The following UPP2 variants were observed in gnomAD, a reference collection of about 807,000 sequenced individuals.
UPP2 encodes the protein UPase 2.
In UPP2, 23 loss-of-function variants were observed where a neutral mutation model predicts 26.7. That is an observed-to-expected ratio of 0.86 (90% CI 0.62 to 1.22). The LOEUF (loss-of-function observed/expected upper bound fraction) is 1.22, where lower values mean the gene tolerates loss of function less well. Among genes scored for constraint, UPP2 ranks in the 50% most tolerant of loss-of-function variants. UPP2 has a pLI of 0.00. For synonymous variants in UPP2, 127 were observed against 141.3 expected (o/e 0.90, Z 0.72); for missense variants, 387 against 396.7 (o/e 0.98, Z 0.21).
At chr2:158,046,706 T>C (rs553047922) in intron 3 of UPP2, among the ~76,000 whole-genome samples, 17 of 152,312 alleles carry the variant, frequency 1.1e-4, no homozygotes, top group African/African-American at 2.4e-4. Flanking sequence ...TCTCCACTTA[T>C]GTAATTCTTA....
At chr2:158,031,918 T>C (rs1249958508) in intron 3 of UPP2, among the ~76,000 whole-genome samples, 3 of 152,188 alleles carry the variant, frequency 2.0e-5, no homozygotes, top group Middle Eastern at 3.2e-3. Context: ...TCATCACCAT[T>C]ATCACCAAGA....
intron 2 of UPP2, among the ~76,000 whole-genome samples, chr2:158,009,394 CA>C (rs1379929570): frequency 2.0e-5 from 3 of 152,150 alleles, no homozygotes; most frequent in African/African-American, 7.2e-5. Context: ...CAAGGAATTT[CA>C]GAAAGAAACC....
intron 1 of UPP2, among the ~76,000 whole-genome samples, chr2:158,102,990 G>A (rs1238546091): frequency 6.6e-6 from 1 of 152,258 alleles, no homozygotes; most frequent in South Asian, 2.1e-4. Context: ...AATTTGTCAC[G>A]ATTTACTAAA....
intron 1 of UPP2, among the ~76,000 whole-genome samples, chr2:158,105,366 G>T (rs1203856119): frequency 6.6e-6 from 1 of 152,154 alleles, no homozygotes; most frequent in Non-Finnish European, 1.5e-5. Flanking sequence ...CAGGGCCATG[G>T]CCAGTGGGGT....
In UPP2 at chr2:158,003,877, A is replaced by G. The variant is rs184764339; in HGVS notation, c.61+8618A>G. 3.3e-3 allele frequency among the ~76,000 whole-genome samples: 509 copies of G among 152,310 alleles called. 1 individual carries two copies. The highest frequency in any genetic ancestry group is 0.012 in the African/African-American group (491 of 41,568). ...TTGTGTGTGTGTATGTGTATTTTGC[A>G]TGTTGCAACATTTCTCTAAGTGCTG... On this transcript the variant is annotated intron_variant, in intron 2 of 9. Transcript: ENST00000605860.
intron 3 of UPP2, among the ~76,000 whole-genome samples, chr2:158,071,509 G>GTAT (rs1360657458): frequency 7.6e-6 from 1 of 131,422 alleles, no homozygotes; most frequent in African/African-American, 2.9e-5. Context: ...CTAGATCATG[G>GTAT]TATTGCATTC....
chr2:158,101,918 T>C lies in UPP2; in HGVS notation c.-146T>C. ...GCTAAAGGAAAAATTTTCTTAGCAA[T>C]TTCACAGGAAAACCTAAGTTTTAAG... On this transcript the variant is annotated 5_prime_UTR_variant, in exon 1 of 7. Coordinates refer to ENST00000005756, the MANE Select transcript of UPP2 (RefSeq NM_173355.4). 1 of 1,365,134 alleles carries C rather than the reference T, an allele frequency of 7.3e-7. No homozygotes were observed. 84.6% of individuals were successfully genotyped at this position (1,365,134 alleles called of 1,614,324 possible). A position where few individuals can be genotyped will look rare whatever the true frequency, so the allele number is the denominator to read the frequency against.
intron 6 of UPP2, among the ~76,000 whole-genome samples, chr2:158,130,592 C>T (rs1240626253): frequency 2.0e-5 from 3 of 152,062 alleles, no homozygotes; most frequent in East Asian, 3.9e-4. Context: ...TGGGCAGTGT[C>T]GTTGATAGCA....
intron 2 of UPP2, among the ~76,000 whole-genome samples, chr2:158,001,498 TC>T (rs1683406939): frequency 6.6e-6 from 1 of 151,920 alleles, no homozygotes; most frequent in South Asian, 2.1e-4. Flanking sequence ...TCTCCAATGC[TC>T]CCCATGGGGT....
chr2:158,064,534 G>T (rs975179903), intron 3 of UPP2, among the ~76,000 whole-genome samples: 4 of 151,948 alleles, frequency 2.6e-5, no homozygotes, highest in African/African-American at 4.8e-5. Flanking sequence ...CCATTCTGTG[G>T]GTTGCCTGTT....
intron 3 of UPP2, among the ~76,000 whole-genome samples, chr2:158,070,660 C>T (rs1682524243): frequency 6.6e-6 from 1 of 152,174 alleles, no homozygotes; most frequent in South Asian, 2.1e-4. Context: ...CAAAGGAACA[C>T]AAAATTTTAA....
intron 2 of UPP2, among the ~76,000 whole-genome samples, chr2:157,997,661 C>T (rs904610056): frequency 5.9e-5 from 9 of 152,114 alleles, no homozygotes; most frequent in South Asian, 2.1e-4. Context: ...CCTTTTAAGC[C>T]GTTGTCTCCC....
At chr2:158,069,080 G>T (rs1485999471) in intron 3 of UPP2, among the ~76,000 whole-genome samples, 1 of 151,646 alleles carries the variant, frequency 6.6e-6, no homozygotes, top group African/African-American at 2.4e-5. Context: ...CAAAGTGCTA[G>T]GATTACAGGC....
Position 158,121,469 on chromosome 2 carries a change from GGT to G in UPP2, c.516_517del (p.Phe173Ter). ...GCTGTAGACTCCTTCTTTAAGCCCC[GGT>G]TTGAACAGGTCATTTTGGACAACAT... On this transcript the variant is annotated frameshift_variant, in exon 5 of 7. Coordinates refer to ENST00000005756, the MANE Select transcript of UPP2 (RefSeq NM_173355.4). LOFTEE classifies it high-confidence loss of function. 14 of 1,613,422 alleles carry G rather than the reference GGT, an allele frequency of 8.7e-6. 1 individual carries two copies. The highest frequency in any genetic ancestry group is 8.5e-6 in the Non-Finnish European group (10 of 1,179,486).
chr2:158,093,295 C>T (rs1682938833), intron 3 of UPP2, among the ~76,000 whole-genome samples: 1 of 151,200 alleles, frequency 6.6e-6, no homozygotes, highest in Non-Finnish European at 1.5e-5. Context: ...CACACACACA[C>T]ACACACACAC....
intron 3 of UPP2, among the ~76,000 whole-genome samples, chr2:158,069,488 T>A (rs1187578232): frequency 6.6e-6 from 1 of 152,220 alleles, no homozygotes; most frequent in Non-Finnish European, 1.5e-5. Flanking sequence ...GCCCAGCTCC[T>A]ACAGTAGGGG....
At chr2:158,096,724 CAAT>C (rs1682992231) in intron 3 of UPP2, among the ~76,000 whole-genome samples, 1 of 152,058 alleles carries the variant, frequency 6.6e-6, no homozygotes, top group African/African-American at 2.4e-5. Context: ...CTATGCCTAA[CAAT>C]AATTTGATAT....
chr2:158,104,295 G>A (rs1683134260), intron 1 of UPP2, among the ~76,000 whole-genome samples: 1 of 152,138 alleles, frequency 6.6e-6, no homozygotes, highest in South Asian at 2.1e-4. Flanking sequence ...CACGGAAGAG[G>A]TAATATTTGA....
At chr2:158,093,696 T>C (rs1176633799) in intron 3 of UPP2, among the ~76,000 whole-genome samples, 1 of 152,090 alleles carries the variant, frequency 6.6e-6, no homozygotes, top group African/African-American at 2.4e-5. Flanking sequence ...ACAAAAGAAT[T>C]ATAAGGCTAA....
Sources: gnomAD v4.1 joint callset for allele counts (sites outside exome capture counted in the v4.1 genomes callset) on GRCh38, gnomAD v4.1.1 for gene constraint, MANE v1.5 for transcripts, NCBI Gene and HGNC (gene_info 2026-07-23, HGNC 2026-07-21) for gene names.